The following R3HDM2 variants were observed in gnomAD, a reference collection of about 807,000 sequenced individuals.
The protein encoded by R3HDM2 is R3H domain containing 2.
Under a neutral mutation model 124.5 loss-of-function variants are expected in R3HDM2, and 38 were observed. The observed-to-expected ratio is 0.31, with a 90% CI of 0.24 to 0.40. The LOEUF (loss-of-function observed/expected upper bound fraction) is 0.40. R3HDM2 is among the 10% of genes least tolerant of loss of function. The probability of loss-of-function intolerance (pLI) is 1.00; values close to 1 mark genes in which losing one functional copy is unlikely to be tolerated. For missense variants in R3HDM2, 869 were observed against 1,236.9 expected (o/e 0.70, Z 4.46); for synonymous variants, 391 against 448.0 (o/e 0.87, Z 1.61).
In R3HDM2 at chr12:57,428,352, C is replaced by G. The variant is rs376888607; in HGVS notation, c.-106+2368G>C. On this transcript the variant is annotated intron_variant, in intron 1 of 23. Coordinates refer to ENST00000402412, the MANE Select transcript of R3HDM2 (RefSeq NM_001394031.1). ...AGCTTTAAAGCTAAGATTGGTTTGG[C>G]TGGGCGCGGTGGCTCATGCCTGTAA... 5.3e-5 allele frequency among the ~76,000 whole-genome samples: 8 copies of G among 152,110 alleles called. No homozygotes were observed. The South Asian group carries it at 1.7e-3, about 32-fold the overall frequency.
At chr12:57,283,801 T>C (rs2046729865) in intron 13 of R3HDM2, 23 bp downstream of exon 13, 2 of 1,604,196 alleles carry the variant, frequency 1.2e-6, no homozygotes, top group South Asian at 1.1e-5. Flanking sequence ...GGGTATGACA[T>C]GGAAGAAAAG....
chr12:57,425,288 T>A (rs1032643760), intron 1 of R3HDM2, among the ~76,000 whole-genome samples: 4 of 150,556 alleles, frequency 2.7e-5, no homozygotes, highest in African/African-American at 7.4e-5. Context: ...AAAAAAAAAA[T>A]TATTCACAAA....
At chr12:57,291,666 C>A (rs201148579) in intron 11 of R3HDM2, among the ~76,000 whole-genome samples, 59 of 142,630 alleles carry the variant, frequency 4.1e-4, no homozygotes, top group East Asian at 1.2e-3. Context: ...AAAAAAAAAA[C>A]AAAAAAAAAC....
At chr12:57,313,316 T>G (rs1225143594) in intron 2 of R3HDM2, among the ~76,000 whole-genome samples, 2 of 152,098 alleles carry the variant, frequency 1.3e-5, no homozygotes, top group Non-Finnish European at 2.9e-5. Context: ...CCCCAACACT[T>G]TGGGAGGCTG....
intron 2 of R3HDM2, among the ~76,000 whole-genome samples, chr12:57,392,507 CCTCT>C (rs1223836128): frequency 3.0e-4 from 45 of 152,260 alleles, no homozygotes; most frequent in South Asian, 4.1e-4. Context: ...CTGCCGCTTA[CCTCT>C]TGGACCAGCA....
At chr12:57,264,071 G>A (rs114233990) in intron 19 of R3HDM2, among the ~76,000 whole-genome samples, 1,856 of 151,526 alleles carry the variant, frequency 0.012, 28 homozygotes, top group East Asian at 0.051. Flanking sequence ...GGTGAACGCC[G>A]TCTCTACTAA....
chr12:57,259,163 A>C, intron 19 of R3HDM2, 104 bp from the exon 20 acceptor site: 3 of 1,230,926 alleles, frequency 2.4e-6, no homozygotes, highest in Non-Finnish European at 3.4e-6. Flanking sequence ...CCATTGCCTC[A>C]GGGTCACTCA....
intron 9 of R3HDM2, 146 bp from the exon 10 acceptor site, chr12:57,295,653 T>C (rs938703192): frequency 1.6e-6 from 1 of 618,372 alleles, no homozygotes; most frequent in African/African-American, 1.8e-5. Context: ...CACATGCAGG[T>C]TTTAATGAAA....
At chr12:57,327,406 G>C (rs2057456779) in intron 2 of R3HDM2, among the ~76,000 whole-genome samples, 1 of 150,174 alleles carries the variant, frequency 6.7e-6, no homozygotes, top group Admixed American at 6.7e-5. Context: ...GGCGGAGGTT[G>C]CAGTGAGCCG....
intron 19 of R3HDM2, among the ~76,000 whole-genome samples, chr12:57,264,008 G>A (rs2041581622): frequency 6.6e-6 from 1 of 152,144 alleles, no homozygotes; most frequent in African/African-American, 2.4e-5. Flanking sequence ...AAGACTTCCT[G>A]CCGAGGTGGG....
chr12:57,387,015 C>A (rs1264795763), intron 2 of R3HDM2, among the ~76,000 whole-genome samples: 2 of 152,050 alleles, frequency 1.3e-5, no homozygotes, highest in African/African-American at 4.8e-5. Context: ...TCTAGCTAAT[C>A]TAGTGGGCTG....
intron 12 of R3HDM2, among the ~76,000 whole-genome samples, chr12:57,288,222 TC>T (rs1374344700): frequency 2.6e-5 from 4 of 151,810 alleles, no homozygotes; most frequent in Admixed American, 1.3e-4. Context: ...GCCAGGCTGG[TC>T]TTGAACTCCT....
intron 2 of R3HDM2, among the ~76,000 whole-genome samples, chr12:57,355,956 T>C (rs1189283342): frequency 1.3e-5 from 2 of 152,198 alleles, no homozygotes; most frequent in Admixed American, 6.5e-5. Flanking sequence ...TCCTAAATTT[T>C]TCTAGTTTTA....
intron 1 of R3HDM2, among the ~76,000 whole-genome samples, chr12:57,409,082 T>C (rs1051523608): frequency 6.6e-6 from 1 of 152,138 alleles, no homozygotes; most frequent in African/African-American, 2.4e-5. Context: ...ATTTTTTATC[T>C]CTATAGCTAG....
In R3HDM2 at chr12:57,395,755, A is replaced by G. The variant is rs943041717; in HGVS notation, c.-42T>C. On this transcript the variant is annotated 5_prime_UTR_variant, in exon 2 of 24. Transcript: ENST00000402412. ...AAATGTTATCTATTATTACCTGAAT[A>G]AATGCTCAGCCTCCATGAGTCCAGT... 1.0e-6 allele frequency: 1 copy of G among 983,074 alleles called. No individual in the cohort carries two copies. The highest frequency in any genetic ancestry group is 1.7e-5 in the African/African-American group (1 of 57,180). The allele number at this position is 983,074 out of a possible 1,614,324, so 60.9% of individuals were successfully genotyped here. A position where few individuals can be genotyped will look rare whatever the true frequency, so the allele number is the denominator to read the frequency against.
Position 57,254,216 on chromosome 12 carries a change from G to A in R3HDM2, c.*557C>T. 2.2e-6 allele frequency: 1 copy of A among 455,540 alleles called. No homozygotes were observed. The highest frequency in any genetic ancestry group is 4.4e-6 in the Non-Finnish European group (1 of 226,714). 28.2% of individuals were successfully genotyped at this position (455,540 alleles called of 1,614,324 possible). On this transcript the variant is annotated 3_prime_UTR_variant, in exon 24 of 24. Coordinates refer to ENST00000402412, the MANE Select transcript of R3HDM2 (RefSeq NM_001394031.1). Reference sequence around the variant, plus strand: ...ATTTAAAAAAATGATAGAAGAGGATGGAAGCCAGGCACAGTGGCTCACGCC... The same window carrying A: ...ATTTAAAAAAATGATAGAAGAGGATAGAAGCCAGGCACAGTGGCTCACGCC...
chr12:57,340,972 C>T (rs1372673037), intron 2 of R3HDM2, among the ~76,000 whole-genome samples: 21 of 151,926 alleles, frequency 1.4e-4, no homozygotes, highest in South Asian at 1.0e-3. Flanking sequence ...CCTAAAGCTT[C>T]GCTTTAGCTA....
chr12:57,360,006 A>AATAAATATAT (rs1403496780), intron 2 of R3HDM2, among the ~76,000 whole-genome samples: 6 of 117,670 alleles, frequency 5.1e-5, no homozygotes, highest in African/African-American at 9.1e-5. Context: ...TAAATAAATA[A>AATAAATATAT]ATATATATAT....
intron 2 of R3HDM2, among the ~76,000 whole-genome samples, chr12:57,370,609 C>T (rs1209434970): frequency 6.6e-6 from 1 of 152,044 alleles, no homozygotes; most frequent in Admixed American, 6.6e-5. Context: ...CATTGCACTC[C>T]AGCCTGGGCA....
Sources: allele counts gnomAD v4.1 joint callset (sites outside exome capture counted in the v4.1 genomes callset), GRCh38; gene constraint gnomAD v4.1.1; transcripts MANE v1.5; gene names NCBI Gene and HGNC (gene_info 2026-07-23, HGNC 2026-07-21).